The following RARS1 variants were observed in gnomAD, a reference collection of about 807,000 sequenced individuals.
RARS1 encodes the protein arginine--tRNA ligase, cytoplasmic.
A neutral mutation model predicts 78.7 loss-of-function variants in RARS1; 75 were observed. The observed-to-expected ratio is 0.95, with a 90% CI of 0.79 to 1.15. The LOEUF is 1.15. RARS1 is among the 50% of genes most tolerant of loss of function. RARS1 has a pLI of 0.00. For synonymous variants in RARS1, 273 were observed against 268.2 expected, an observed-to-expected ratio of 1.02 and a Z score of -0.18; for missense variants, 787 against 787.5, an observed-to-expected ratio of 1.00 and a Z score of 0.01.
At chr5:168,515,433 G>A (rs912295808) in intron 12 of RARS1, among the ~76,000 whole-genome samples, 13 of 152,152 alleles carry the variant, frequency 8.5e-5, no homozygotes, top group African/African-American at 3.1e-4. Flanking sequence ...TTACAGGCAT[G>A]AGCCAATTAC....
Position 168,493,965 on chromosome 5 carries a change from C to T in RARS1, c.441C>T (p.Asp147=). The T allele has an allele frequency of 6.2e-7, 1 of 1,612,840 alleles. No homozygotes were observed. The change falls in exon 4 of 15, where the codon GAC becomes GAT. Residue 147 remains aspartate (D), a synonymous_variant. Transcript: ENST00000231572. ...IAENITKHLP[D]NECIEKVEIA... ...AAAACATTACCAAACACCTCCCAGA[C>T]AATGAATGTATTGAAAAAGTTGAAA...
intron 12 of RARS1, among the ~76,000 whole-genome samples, chr5:168,511,942 C>T (rs993978115): frequency 1.2e-4 from 19 of 152,060 alleles, no homozygotes; most frequent in Admixed American, 9.2e-4. Context: ...CATGGCTCAC[C>T]GCATCTCGAC....
intron 13 of RARS1, among the ~76,000 whole-genome samples, chr5:168,517,233 CCCGGGTTCAGGTGATTCT>C (rs1157765350): frequency 2.0e-5 from 3 of 152,094 alleles, no homozygotes; most frequent in Non-Finnish European, 4.4e-5. Flanking sequence ...ACCTCCACCT[CCCGGGTTCAGGTGATTCT>C]CCTGCCTCAG....
At chr5:168,486,606 C>A (rs1448677269) in intron 1 of RARS1, 63 bp downstream of exon 1, 2 of 1,526,878 alleles carry the variant, frequency 1.3e-6, no homozygotes, top group Non-Finnish European at 1.8e-6. Context: ...GACTCCTGCC[C>A]AAGCGGCTTC....
chr5:168,494,515 A>T, intron 4 of RARS1, 35 bp from the exon 5 acceptor site: 1 of 1,603,730 alleles, frequency 6.2e-7, no homozygotes, highest in Middle Eastern at 1.9e-4. Context: ...TCAAGATAAG[A>T]CAGTATCTGA....
chr5:168,495,394 G>A lies in RARS1; in HGVS notation c.659G>A (p.Ser220Asn), dbSNP rs1450621601. The A allele has an allele frequency of 1.9e-6, 3 of 1,613,908 alleles. No individual in the cohort carries two copies. The highest frequency in any genetic ancestry group is 2.5e-6 in the Non-Finnish European group (3 of 1,179,954). Residue 220 changes from serine to asparagine, a missense_variant, in exon 6 of 15, where the codon AGT becomes AAT. Transcript: ENST00000231572. ...GHLRSTIIGE[S>N]ISRLFEFAGY... is the part of the protein sequence containing the mutation. The stretch of plus-strand genomic sequence containing the variant: ...CTGAGGTCAACTATCATAGGAGAGA[G>A]TATAAGCCGCCTCTTTGAATTTGCA...
intron 11 of RARS1, among the ~76,000 whole-genome samples, chr5:168,508,742 A>G (rs1461641303): frequency 1.3e-5 from 2 of 151,582 alleles, no homozygotes; most frequent in Admixed American, 6.6e-5. Flanking sequence ...AATTTTTTGA[A>G]TGATAATTTT....
At chr5:168,489,470 A>G (rs896249584) in intron 2 of RARS1, among the ~76,000 whole-genome samples, 4 of 152,184 alleles carry the variant, frequency 2.6e-5, no homozygotes, top group African/African-American at 9.6e-5. Context: ...TTACAGTTTT[A>G]TATCTTACAT....
intron 13 of RARS1, 65 bp downstream of exon 13, chr5:168,517,015 ATT>A (rs1758679314): frequency 6.8e-7 from 1 of 1,468,682 alleles, no homozygotes; most frequent in African/African-American, 1.4e-5. Context: ...ACTCAAAAAT[ATT>A]TTCTTTTTTT....
chr5:168,503,151 A>C (rs1047225470), intron 9 of RARS1, among the ~76,000 whole-genome samples: 3 of 152,204 alleles, frequency 2.0e-5, no homozygotes, highest in African/African-American at 7.2e-5. Flanking sequence ...TCATATTAAG[A>C]TTGATTAGTA....
At chr5:168,500,388 G>A (rs1334462828) in intron 7 of RARS1, among the ~76,000 whole-genome samples, 1 of 151,948 alleles carries the variant, frequency 6.6e-6, no homozygotes, top group Non-Finnish European at 1.5e-5. Context: ...TGAGATTTTT[G>A]TATTTTTTAA....
chr5:168,505,191 C>T (rs1018662190), intron 9 of RARS1, among the ~76,000 whole-genome samples: 5 of 152,094 alleles, frequency 3.3e-5, no homozygotes, highest in African/African-American at 1.2e-4. Context: ...ATTTTCTAAA[C>T]TGTAAGAAAG....
intron 9 of RARS1, 68 bp downstream of exon 9, chr5:168,502,173 A>G (rs1464248149): frequency 2.6e-6 from 4 of 1,547,640 alleles, no homozygotes; most frequent in African/African-American, 1.4e-5. Context: ...GATAGAATTT[A>G]TAGTAATGCC....
At chr5:168,492,223 T>C (rs1333201983) in intron 2 of RARS1, among the ~76,000 whole-genome samples, 1 of 152,228 alleles carries the variant, frequency 6.6e-6, no homozygotes, top group Non-Finnish European at 1.5e-5. Context: ...ATTACCTGCT[T>C]TGCTCCCTTT....
At chr5:168,506,255 T>C in intron 10 of RARS1, 56 bp downstream of exon 10, 1 of 1,343,144 alleles carries the variant, frequency 7.4e-7, no homozygotes, top group Middle Eastern at 1.9e-4. Context: ...TAAGACAGTA[T>C]GGTGAGGTTG....
intron 4 of RARS1, 147 bp from the exon 5 acceptor site, chr5:168,494,403 C>T: frequency 6.9e-7 from 1 of 1,455,850 alleles, no homozygotes; most frequent in Non-Finnish European, 9.0e-7. Context: ...CAGGAGCTTA[C>T]AAGACAGCTT....
chr5:168,496,226 A>C (rs937737732), intron 6 of RARS1, among the ~76,000 whole-genome samples: 1 of 151,634 alleles, frequency 6.6e-6, no homozygotes, highest in Non-Finnish European at 1.5e-5. Flanking sequence ...TAAAAATACA[A>C]AAATTAGCTG....
At chr5:168,496,545 C>A (rs1409649918) in intron 6 of RARS1, among the ~76,000 whole-genome samples, 1 of 151,630 alleles carries the variant, frequency 6.6e-6, no homozygotes, top group Non-Finnish European at 1.5e-5. Flanking sequence ...TGCAGTGGCG[C>A]AATCCTGGCT....
At chr5:168,505,201 G>A (rs1184721330) in intron 9 of RARS1, among the ~76,000 whole-genome samples, 3 of 152,100 alleles carry the variant, frequency 2.0e-5, no homozygotes, top group East Asian at 3.9e-4. Flanking sequence ...CTGTAAGAAA[G>A]CATAGAGTTA....
Sources: gnomAD v4.1 joint callset for allele counts (sites outside exome capture counted in the v4.1 genomes callset) on GRCh38, gnomAD v4.1.1 for gene constraint, MANE v1.5 for transcripts, NCBI Gene and HGNC (gene_info 2026-07-23, HGNC 2026-07-21) for gene names.